The following SYNJ2 variants were observed in gnomAD, a reference collection of about 807,000 sequenced individuals.
SYNJ2 encodes polyphosphatidylinositol phosphatase SYNJ2.
In SYNJ2, 116 loss-of-function variants were observed where a neutral mutation model predicts 141.3. That is an observed-to-expected ratio of 0.82 (90% CI 0.71 to 0.96). The LOEUF is 0.96. SYNJ2 is among the 40% of genes least tolerant of loss of function. The probability of loss-of-function intolerance (pLI) is 0.00; values close to 1 mark genes in which losing one functional copy is unlikely to be tolerated. For missense variants in SYNJ2, 1,873 were observed against 1,934.8 expected (o/e 0.97, Z 0.60); for synonymous variants, 745 against 777.7 (o/e 0.96, Z 0.70).
In SYNJ2 at chr6:158,096,046, C is replaced by A. The variant is rs760611759; in HGVS notation, c.4173C>A (p.Ser1391Arg). 14 of 1,614,128 alleles carry A rather than the reference C, an allele frequency of 8.7e-6. No individual in the cohort carries two copies. In the African/African-American group the frequency reaches 1.9e-4, roughly 22 times the overall value. ...GDFLSTSSAT[S>R]PDSDGTKAMK... ...TTCTCAGCACTTCATCTGCTACAAG[C>A]CCCGACAGCGATGGCACCAAAGCGA... The change falls in exon 27 of 27, where the codon AGC (serine) becomes AGA (arginine). Residue 1391 changes from serine (S) to arginine (R), a missense_variant. Physicochemically the swap from Ser to Arg is moderately radical, Grantham distance 110. Coordinates refer to ENST00000355585, the MANE Select transcript of SYNJ2 (RefSeq NM_003898.4).
intron 18 of SYNJ2, 58 bp from the exon 19 acceptor site, chr6:158,081,051 C>G: frequency 6.5e-7 from 1 of 1,536,146 alleles, no homozygotes; most frequent in Non-Finnish European, 9.0e-7. Flanking sequence ...GACTGGAGGC[C>G]GGGGGTGTGG....
chr6:158,080,491 A>C lies in SYNJ2; in HGVS notation c.2568-618A>C, dbSNP rs899725104. Reference sequence around the variant, plus strand: ...CTCTGACTCAAAATAAAAAAAAAAAAAAAAACGAGCATTTCCCTTTTTTTT... The same window carrying C: ...CTCTGACTCAAAATAAAAAAAAAAACAAAAACGAGCATTTCCCTTTTTTTT... On this transcript the variant is annotated intron_variant, in intron 18 of 26. Coordinates refer to ENST00000355585, the MANE Select transcript of SYNJ2 (RefSeq NM_003898.4). 4.1e-4 allele frequency among the ~76,000 whole-genome samples: 61 copies of C among 150,298 alleles called. 1 individual carries two copies. The highest frequency in any genetic ancestry group is 7.6e-4 in the Non-Finnish European group (51 of 67,510).
chr6:158,085,340 T>A (rs990519219), intron 22 of SYNJ2, among the ~76,000 whole-genome samples: 4 of 152,162 alleles, frequency 2.6e-5, no homozygotes, highest in Non-Finnish European at 5.9e-5. Flanking sequence ...TCTGAGTAAC[T>A]TTTAAAGCCC....
At chr6:158,062,853 G>A (rs1314157739) in intron 8 of SYNJ2, among the ~76,000 whole-genome samples, 1 of 152,006 alleles carries the variant, frequency 6.6e-6, no homozygotes, top group South Asian at 2.1e-4. Context: ...TTTGTTAGGG[G>A]CCCCCCTTTG....
chr6:158,083,598 G>T lies in SYNJ2; in HGVS notation c.3034+1G>T. 6.2e-7 allele frequency: 1 copy of T among 1,614,084 alleles called. No homozygotes were observed. Among genetic ancestry groups the T allele is most frequent in the Non-Finnish European group, 8.5e-7 (1 of 1,180,026 alleles). On this transcript the variant is annotated splice_donor_variant, in intron 21 of 26. Coordinates refer to ENST00000355585, the MANE Select transcript of SYNJ2 (RefSeq NM_003898.4). LOFTEE classifies it high-confidence loss of function. ...ACAAGTTTGGACTATGAGTCAGAAG[G>T]TTAGTGACCCTGCAGGGAGGGACAG...
chr6:158,054,853 C>T (rs1168836033), intron 5 of SYNJ2, 114 bp from the exon 6 acceptor site: 4 of 1,037,176 alleles, frequency 3.9e-6, no homozygotes, highest in Non-Finnish European at 5.8e-6. Flanking sequence ...CAGAGGTGGC[C>T]TAGTGGGTGC....
chr6:157,993,735 T>TA (rs61408008), intron 1 of SYNJ2, among the ~76,000 whole-genome samples: 83 of 141,100 alleles, frequency 5.9e-4, no homozygotes, highest in Non-Finnish European at 1.1e-3. Context: ...TTTTTTTTTT[T>TA]AAGTAACCTG....
rs375823772 is a variant in SYNJ2, at chr6:158,017,252, A to G, written c.176A>G (p.Asp59Gly). 2.5e-6 allele frequency: 4 copies of G among 1,614,000 alleles called. No individual in the cohort carries two copies. The highest frequency in any genetic ancestry group is 3.4e-6 in the Non-Finnish European group (4 of 1,179,970). ...AAAGGACAGTATGGCAAGCTCACGG[A>G]CGCGTACGGCTGCCTGGGGGAGCTG... ...VIKGQYGKLT[D>G]AYGCLGELRL... Residue 59 changes from aspartate (D) to glycine (G), a missense_variant, in exon 2 of 27, where the codon GAC (aspartate) becomes GGC (glycine). Transcript: ENST00000355585.
Position 157,982,125 on chromosome 6 carries a change from A to T in SYNJ2, c.127+37A>T, listed in dbSNP as rs1777036604. 3.1e-6 allele frequency: 4 copies of T among 1,285,950 alleles called. No individual in the cohort carries two copies. The highest frequency in any genetic ancestry group is 4.2e-5 in the Admixed American group (1 of 23,894). 79.7% of individuals were successfully genotyped at this position (1,285,950 alleles called of 1,614,324 possible). The stretch of plus-strand genomic sequence containing the variant: ...CCGGGGGCAGCGACGCCCGGAGGAG[A>T]GGGCGCCCGCATTCGCCCAGCCTCG... On this transcript the variant is annotated intron_variant, in intron 1 of 26. Coordinates refer to ENST00000355585, the MANE Select transcript of SYNJ2 (RefSeq NM_003898.4). This position sits in a 1 kb window ranked among gnomAD's most constrained non-coding sequence, Gnocchi z 4.0.
chr6:158,053,470 T>C (rs2128354320), intron 5 of SYNJ2, among the ~76,000 whole-genome samples: 1 of 152,266 alleles, frequency 6.6e-6, no homozygotes, highest in East Asian at 1.9e-4. Context: ...TACTTGGTAT[T>C]CTACTATAGA....
intron 5 of SYNJ2, among the ~76,000 whole-genome samples, chr6:158,052,954 GCAT>G (rs1780650716): frequency 6.6e-6 from 1 of 152,198 alleles, no homozygotes; most frequent in Non-Finnish European, 1.5e-5. Flanking sequence ...CTTGAGTCCA[GCAT>G]CACATACTGC....
intron 6 of SYNJ2, among the ~76,000 whole-genome samples, chr6:158,058,344 T>G (rs976856690): frequency 6.6e-6 from 1 of 152,230 alleles, no homozygotes; most frequent in African/African-American, 2.4e-5. Context: ...TGTTTAAATT[T>G]GAAATGTAAG....
chr6:157,993,797 GTTTTTTTTTTTTTTTTTTTT>G (rs61529071), intron 1 of SYNJ2, among the ~76,000 whole-genome samples: 3 of 47,944 alleles, frequency 6.3e-5, no homozygotes, highest in East Asian at 7.4e-4. Context: ...AAATGTGTGG[GTTTTTTTTTTTTTTTTTTTT>G]TTTTTTTTTT....
intron 26 of SYNJ2, among the ~76,000 whole-genome samples, chr6:158,094,258 G>A (rs547236577): frequency 1.3e-5 from 2 of 151,946 alleles, no homozygotes; most frequent in Non-Finnish European, 2.9e-5. Context: ...CTTAAAATGG[G>A]GTTACATCCC....
At chr6:158,023,438 G>A (rs1183306184) in intron 2 of SYNJ2, among the ~76,000 whole-genome samples, 4 of 152,072 alleles carry the variant, frequency 2.6e-5, no homozygotes, top group Admixed American at 6.5e-5. Context: ...GAGAGGCAGC[G>A]CTCCACACAG....
chr6:158,069,110 T>G (rs1263528669), intron 13 of SYNJ2, among the ~76,000 whole-genome samples: 1 of 151,974 alleles, frequency 6.6e-6, no homozygotes, highest in Non-Finnish European at 1.5e-5. Context: ...GGTGAGAAAG[T>G]GTGAGTGCCG....
At chr6:158,089,368 G>A (rs895220694) in intron 24 of SYNJ2, among the ~76,000 whole-genome samples, 6 of 152,206 alleles carry the variant, frequency 3.9e-5, no homozygotes, top group Admixed American at 3.9e-4. Flanking sequence ...GCTGGGCCTG[G>A]TTAAGTGCTT....
Position 158,043,635 on chromosome 6 carries a change from A to T in SYNJ2, c.795+236A>T, listed in dbSNP as rs1170434794. ...ACTTTGTTGTTTCTGGTCGTCAAGG[A>T]TGCTGTGTGAAACCGCTGACTCGGG... On this transcript the variant is annotated intron_variant, in intron 5 of 26. Transcript: ENST00000355585. This position sits in a 1 kb window ranked among gnomAD's most constrained non-coding sequence, Gnocchi z 4.0. Among the ~76,000 whole-genome samples the T allele has an allele frequency of 2.0e-5, 3 of 152,174 alleles. No homozygotes were observed. In the East Asian group the frequency reaches 5.8e-4, roughly 29 times the overall value.
intron 2 of SYNJ2, among the ~76,000 whole-genome samples, chr6:158,022,137 C>T (rs909087098): frequency 4.6e-5 from 7 of 152,210 alleles, no homozygotes; most frequent in Non-Finnish European, 1.0e-4. Context: ...GCTCAAGGGT[C>T]ATCTGGCCGA....
Sources: gnomAD v4.1 joint callset for allele counts (sites outside exome capture counted in the v4.1 genomes callset) on GRCh38, gnomAD v4.1.1 for gene constraint, Gnocchi (gnomAD v3.1) non-coding constraint, MANE v1.5 for transcripts, NCBI Gene and HGNC (gene_info 2026-07-23, HGNC 2026-07-21) for gene names.